CDK14: variants seen among roughly 807,000 people sequenced by gnomAD.
CDK14 encodes the protein cyclin dependent kinase 14.
CDK14 carries 34 observed loss-of-function variants against 60.7 expected under a neutral mutation model. The observed-to-expected ratio is 0.56, with a 90% CI of 0.43 to 0.75. The LOEUF (loss-of-function observed/expected upper bound fraction) is 0.75, where lower values mean the gene tolerates loss of function less well. Ranked by LOEUF, CDK14 falls within the 30% of genes least tolerant of loss-of-function variation. CDK14 has a pLI of 0.00. For synonymous variants in CDK14, 197 were observed against 203.7 expected, an observed-to-expected ratio of 0.97 and a Z score of 0.28; for missense variants, 482 against 564.1, an observed-to-expected ratio of 0.85 and a Z score of 1.47.
chr7:90,903,810 C>G (rs1197772139), intron 7 of CDK14, among the ~76,000 whole-genome samples: 1 of 152,052 alleles, frequency 6.6e-6, no homozygotes, highest in African/African-American at 2.4e-5. Flanking sequence ...TAAAAATACG[C>G]TGGGCTCCCC....
chr7:90,723,547 C>T (rs1251338427), intron 2 of CDK14, among the ~76,000 whole-genome samples: 7 of 152,170 alleles, frequency 4.6e-5, no homozygotes, highest in African/African-American at 1.4e-4. Flanking sequence ...ATAGAAGAAA[C>T]ATTGTTCTTA....
intron 5 of CDK14, among the ~76,000 whole-genome samples, chr7:90,838,889 G>A (rs1016440933): frequency 6.6e-6 from 1 of 151,972 alleles, no homozygotes. Context: ...CTTTGCCTTG[G>A]GATCTTTTAT....
At chr7:91,048,520 T>G (rs1797302073) in intron 11 of CDK14, among the ~76,000 whole-genome samples, 1 of 152,192 alleles carries the variant, frequency 6.6e-6, no homozygotes, top group African/African-American at 2.4e-5. Context: ...GAAGGATAAG[T>G]TAGGAGAAAT....
intron 2 of CDK14, among the ~76,000 whole-genome samples, chr7:90,708,927 A>G (rs1340626386): frequency 6.6e-6 from 1 of 151,874 alleles, no homozygotes; most frequent in Non-Finnish European, 1.5e-5. Flanking sequence ...TGGATCAACC[A>G]CTCTCCTGTA....
At chr7:91,117,462 C>CT (rs1294182134) in intron 13 of CDK14, among the ~76,000 whole-genome samples, 2 of 152,078 alleles carry the variant, frequency 1.3e-5, no homozygotes, top group Non-Finnish European at 2.9e-5. Context: ...TGCTCTCCCT[C>CT]TAGACATACG....
At chr7:91,199,301 G>A (rs914958532) in intron 14 of CDK14, among the ~76,000 whole-genome samples, 1 of 151,776 alleles carries the variant, frequency 6.6e-6, no homozygotes, top group Non-Finnish European at 1.5e-5. Context: ...TTTTAAAAAT[G>A]ATATATGTAT....
chr7:91,108,668 A>G (rs1460666241), intron 12 of CDK14, among the ~76,000 whole-genome samples: 1 of 152,158 alleles, frequency 6.6e-6, no homozygotes, highest in East Asian at 1.9e-4. Flanking sequence ...AGATTTGTGT[A>G]CCCATTGATT....
chr7:91,172,969 C>A (rs1284557391), intron 14 of CDK14, among the ~76,000 whole-genome samples: 1 of 152,140 alleles, frequency 6.6e-6, no homozygotes, highest in Non-Finnish European at 1.5e-5. Context: ...ACCCCTCATG[C>A]CCAAACTTTC....
At chr7:90,635,026 G>C (rs1800104462) in intron 2 of CDK14, among the ~76,000 whole-genome samples, 1 of 152,232 alleles carries the variant, frequency 6.6e-6, no homozygotes, top group Non-Finnish European at 1.5e-5. Flanking sequence ...GTAGATTCTG[G>C]ATATTAGCCC....
At chr7:90,624,061 C>G (rs1222250218) in intron 2 of CDK14, among the ~76,000 whole-genome samples, 1 of 152,152 alleles carries the variant, frequency 6.6e-6, no homozygotes, top group African/African-American at 2.4e-5. Flanking sequence ...ATTTTTGCAA[C>G]AAAACAGCCC....
intron 4 of CDK14, among the ~76,000 whole-genome samples, chr7:90,778,142 GC>G (rs1236873701): frequency 6.6e-6 from 1 of 152,162 alleles, no homozygotes; most frequent in East Asian, 1.9e-4. Context: ...AAATACCAAT[GC>G]TTCCTTTATG....
In CDK14 at chr7:90,923,827, T is replaced by C. The variant is rs553935664; in HGVS notation, c.826+6103T>C. 7.0e-4 allele frequency among the ~76,000 whole-genome samples: 107 copies of C among 152,358 alleles called. 1 individual carries two copies. Among genetic ancestry groups the C allele is most frequent in the African/African-American group, 2.4e-3 (101 of 41,584 alleles). ...TGTTGGCAGTAAATCAAATAAGTCA[T>C]ACTGGATGTAAGTTAAAATATAGCC... On this transcript the variant is annotated intron_variant, in intron 8 of 14. Transcript: ENST00000380050.
chr7:90,964,773 T>G (rs770867243), intron 9 of CDK14, among the ~76,000 whole-genome samples: 1 of 152,208 alleles, frequency 6.6e-6, no homozygotes, highest in Non-Finnish European at 1.5e-5. Context: ...TCTGTCAACC[T>G]TACTTCATTA....
chr7:90,672,502 G>GTTTTTTTTTTTTTTTTTTTT, intron 2 of CDK14, among the ~76,000 whole-genome samples: 1 of 49,996 alleles, frequency 2.0e-5, no homozygotes, highest in Non-Finnish European at 3.4e-5. Flanking sequence ...TTCTTCTTCT[G>GTTTTTTTTTTTTTTTTTTTT]TTTTTTTTTT....
At chr7:91,032,412 A>G (rs952245015) in intron 10 of CDK14, among the ~76,000 whole-genome samples, 4 of 152,224 alleles carry the variant, frequency 2.6e-5, no homozygotes, top group Non-Finnish European at 5.9e-5. Context: ...CCTGGAACCT[A>G]TAATCCAACC....
intron 14 of CDK14, among the ~76,000 whole-genome samples, chr7:91,170,970 G>A (rs547812323): frequency 6.6e-6 from 1 of 151,868 alleles, no homozygotes; most frequent in African/African-American, 2.4e-5. Context: ...GTTTCACCAT[G>A]TCAGCCAGGC....
intron 2 of CDK14, among the ~76,000 whole-genome samples, chr7:90,647,658 T>A (rs1244591362): frequency 2.6e-5 from 4 of 152,158 alleles, no homozygotes; most frequent in African/African-American, 9.7e-5. Flanking sequence ...AGTATTTGAA[T>A]AGATAGGGAA....
At chr7:91,097,957 G>T (rs756859451) in intron 12 of CDK14, among the ~76,000 whole-genome samples, 2 of 152,236 alleles carry the variant, frequency 1.3e-5, no homozygotes, top group African/African-American at 4.8e-5. Context: ...AGTTGGTTCA[G>T]TGTGCAGTTG....
At chr7:91,153,845 T>C (rs1284954318) in intron 14 of CDK14, among the ~76,000 whole-genome samples, 1 of 152,164 alleles carries the variant, frequency 6.6e-6, no homozygotes, top group Non-Finnish European at 1.5e-5. Context: ...CGAGCTTACC[T>C]ATGTAACAAA....
Sources: gnomAD v4.1 joint callset for allele counts (sites outside exome capture counted in the v4.1 genomes callset) on GRCh38, gnomAD v4.1.1 for gene constraint, MANE v1.5 for transcripts, NCBI Gene and HGNC (gene_info 2026-07-23, HGNC 2026-07-21) for gene names.